PLCB4: variants seen among roughly 807,000 people sequenced by gnomAD.
PLCB4 encodes 1-phosphatidylinositol 4,5-bisphosphate phosphodiesterase beta-4.
In PLCB4, 77 loss-of-function variants were observed where a neutral mutation model predicts 178.8. The ratio of observed to expected loss-of-function variants is 0.43; its 90% confidence interval spans 0.36 to 0.52. The LOEUF is 0.52. Ranked by LOEUF, PLCB4 falls within the 20% of genes least tolerant of loss-of-function variation. The probability of loss-of-function intolerance (pLI) is 0.00; values close to 1 mark genes in which losing one functional copy is unlikely to be tolerated. For missense variants in PLCB4, 1,024 were observed against 1,453.4 expected, an observed-to-expected ratio of 0.70 and a Z score of 4.80; for synonymous variants, 496 against 490.8, an observed-to-expected ratio of 1.01 and a Z score of -0.14.
At chr20:9,343,642 G>A (rs756722516) in intron 7 of PLCB4, among the ~76,000 whole-genome samples, 4 of 152,084 alleles carry the variant, frequency 2.6e-5, no homozygotes, top group Admixed American at 6.6e-5. Flanking sequence ...GAGTAAATAC[G>A]TTTGTGTTGC....
rs1046126685 is a variant in PLCB4, at chr20:9,203,749, T to C, written c.-78-13641T>C. Among the ~76,000 whole-genome samples the C allele has an allele frequency of 3.3e-5, 5 of 151,314 alleles. No individual in the cohort carries two copies. The South Asian group carries it at 1.0e-3, about 32-fold the overall frequency. Reference sequence around the variant, plus strand: ...TTCTCTCACTCCCAAAACCACTCTATATTCCGAAGGCTCCATTTGGGAATA... The same window carrying C: ...TTCTCTCACTCCCAAAACCACTCTACATTCCGAAGGCTCCATTTGGGAATA... On this transcript the variant is annotated intron_variant, in intron 2 of 39. Coordinates refer to ENST00000378473, the MANE Select transcript of PLCB4 (RefSeq NM_001377142.1).
At chr20:9,260,068 A>C (rs781454467) in intron 3 of PLCB4, among the ~76,000 whole-genome samples, 21 of 152,100 alleles carry the variant, frequency 1.4e-4, no homozygotes, top group Non-Finnish European at 2.2e-4. Flanking sequence ...ATACCATCCC[A>C]GAAGTGGACC....
chr20:9,193,826 G>T (rs1296144556), intron 2 of PLCB4, among the ~76,000 whole-genome samples: 1 of 152,092 alleles, frequency 6.6e-6, no homozygotes, highest in Admixed American at 6.5e-5. Flanking sequence ...TTGGCTATTT[G>T]GTTGGTAATT....
chr20:9,285,065 C>T (rs184306516), intron 3 of PLCB4, among the ~76,000 whole-genome samples: 150 of 151,338 alleles, frequency 9.9e-4, no homozygotes, highest in Middle Eastern at 6.8e-3. Flanking sequence ...TTTACAAACT[C>T]ATTTTCTGCA....
chr20:9,177,536 G>A (rs571988329), intron 2 of PLCB4, among the ~76,000 whole-genome samples: 2 of 152,296 alleles, frequency 1.3e-5, no homozygotes, highest in South Asian at 2.1e-4. Flanking sequence ...TTTGACACAT[G>A]TTCCCCTTGA....
In PLCB4 at chr20:9,472,792, G is replaced by A. The variant is rs760014812; in HGVS notation, c.3353G>A (p.Arg1118Gln). The change falls in exon 37 of 40, where the codon CGA (arginine) becomes CAA (glutamine). Residue 1118 changes from arginine (R) to glutamine (Q), a missense_variant and splice_region_variant. Transcript: ENST00000378473. ...TTATTTGTGCCCATTGCTTTTAGGC[G>A]AGTCAGGGAGTTAAACAGCAGCAAC... Reference protein sequence around the residue: ...SIKNKAERERRVRELNSSNTK... With the variant: ...SIKNKAERERQVRELNSSNTK... The A allele has an allele frequency of 8.2e-6, 13 of 1,586,492 alleles. No homozygotes were observed. Among genetic ancestry groups the A allele is most frequent in the African/African-American group, 2.7e-5 (2 of 73,986 alleles).
intron 7 of PLCB4, among the ~76,000 whole-genome samples, chr20:9,350,197 G>A (rs915236082): frequency 5.9e-5 from 9 of 152,006 alleles, no homozygotes; most frequent in African/African-American, 1.9e-4. Flanking sequence ...AACTATGTGT[G>A]CCCCTGAAGC....
At position 9,325,662 on chromosome 20, in the gene PLCB4, G is replaced by A. The variant is rs536310337; in HGVS notation, c.85-11464G>A. 6.6e-5 allele frequency among the ~76,000 whole-genome samples: 10 copies of A among 152,218 alleles called. No homozygotes were observed. In the South Asian group the frequency reaches 1.2e-3, roughly 19 times the overall value. On this transcript the variant is annotated intron_variant, in intron 4 of 39. Transcript: ENST00000378473. ...GTCCCAAAGATTTAACATCTATATCGTCAAGTAAAAGATAAAGTGGGAATC... is the reference window on the plus strand; with the variant it reads ...GTCCCAAAGATTTAACATCTATATCATCAAGTAAAAGATAAAGTGGGAATC...
chr20:9,260,446 G>C (rs1478680611), intron 3 of PLCB4, among the ~76,000 whole-genome samples: 1 of 152,052 alleles, frequency 6.6e-6, no homozygotes, highest in Non-Finnish European at 1.5e-5. Flanking sequence ...TGTGCCATTT[G>C]ATGGCACAGT....
At chr20:9,421,510 T>A (rs981512352) in intron 27 of PLCB4, 49 bp downstream of exon 27, 2 of 1,500,182 alleles carry the variant, frequency 1.3e-6, no homozygotes, top group African/African-American at 2.8e-5. Flanking sequence ...TTGGGAGCCA[T>A]GTTTTAGTTC....
chr20:9,240,004 G>A (rs539542537), intron 3 of PLCB4, among the ~76,000 whole-genome samples: 2 of 152,308 alleles, frequency 1.3e-5, no homozygotes, highest in African/African-American at 4.8e-5. Context: ...CTGATTAGAT[G>A]GTGCCTGCCC....
intron 3 of PLCB4, among the ~76,000 whole-genome samples, chr20:9,243,227 A>G (rs1332685075): frequency 6.6e-6 from 1 of 152,214 alleles, no homozygotes; most frequent in Non-Finnish European, 1.5e-5. Context: ...GAAATTCTAG[A>G]GAGAAAGGTT....
intron 19 of PLCB4, 69 bp downstream of exon 19, chr20:9,395,687 G>A (rs1224435559): frequency 5.4e-6 from 6 of 1,119,778 alleles, no homozygotes; most frequent in Non-Finnish European, 5.2e-6. Flanking sequence ...AACCAGGCTG[G>A]GCACAGTGGC....
chr20:9,278,888 C>T (rs1033598301), intron 3 of PLCB4, among the ~76,000 whole-genome samples: 5 of 152,066 alleles, frequency 3.3e-5, no homozygotes, highest in Non-Finnish European at 5.9e-5. Context: ...AATAAGTACG[C>T]ATTGAGAAGT....
At chr20:9,336,443 A>G (rs2148055765) in intron 4 of PLCB4, among the ~76,000 whole-genome samples, 1 of 152,298 alleles carries the variant, frequency 6.6e-6, no homozygotes, top group East Asian at 1.9e-4. Flanking sequence ...TCTGGTGTCA[A>G]AATTCAAAGC....
intron 3 of PLCB4, among the ~76,000 whole-genome samples, chr20:9,296,447 T>C (rs1487054963): frequency 6.6e-6 from 1 of 152,198 alleles, no homozygotes; most frequent in Non-Finnish European, 1.5e-5. Context: ...GAAGTCAGTG[T>C]GGCGATTCCT....
At chr20:9,121,156 G>A (rs146756628) in intron 2 of PLCB4, among the ~76,000 whole-genome samples, 11 of 152,272 alleles carry the variant, frequency 7.2e-5, no homozygotes, top group Admixed American at 2.0e-4. Context: ...AAGGCAGTGC[G>A]CCATTGACCC....
intron 39 of PLCB4, 128 bp from the exon 40 acceptor site, chr20:9,478,793 T>C: frequency 5.6e-6 from 4 of 709,358 alleles, no homozygotes; most frequent in Non-Finnish European, 1.0e-5. Context: ...TGCTTGTACA[T>C]GGACCATATT....
chr20:9,148,806 A>G (rs1339713495), intron 2 of PLCB4, among the ~76,000 whole-genome samples: 1 of 152,188 alleles, frequency 6.6e-6, no homozygotes, highest in Non-Finnish European at 1.5e-5. Context: ...TTCTGGTCCA[A>G]CAGATGTGTT....
Sources: gnomAD v4.1 joint callset for allele counts (sites outside exome capture counted in the v4.1 genomes callset) on GRCh38, gnomAD v4.1.1 for gene constraint, MANE v1.5 for transcripts, NCBI Gene and HGNC (gene_info 2026-07-23, HGNC 2026-07-21) for gene names.